Variants in GAS2 observed in about 807,000 individuals in gnomAD.
GAS2 encodes growth arrest-specific protein 2.
GAS2 carries 20 observed loss-of-function variants against 37.5 expected under a neutral mutation model. The observed-to-expected ratio is 0.53, with a 90% CI of 0.37 to 0.77. The LOEUF (loss-of-function observed/expected upper bound fraction) is 0.77. Ranked by LOEUF, GAS2 falls within the 30% of genes least tolerant of loss-of-function variation. GAS2 has a pLI of 0.00. For synonymous variants in GAS2, 144 were observed against 132.2 expected, an observed-to-expected ratio of 1.09 and a Z score of -0.61; for missense variants, 336 against 373.4, an observed-to-expected ratio of 0.90 and a Z score of 0.82.
At chr11:22,652,782 G>A (rs1404534473) in intron 1 of GAS2, among the ~76,000 whole-genome samples, 4 of 152,138 alleles carry the variant, frequency 2.6e-5, no homozygotes, top group East Asian at 1.9e-4. Flanking sequence ...GCTTCGGCTC[G>A]CACACGGTGC....
chr11:22,807,981 A>C (rs1033076314), intron 7 of GAS2, among the ~76,000 whole-genome samples: 4 of 150,574 alleles, frequency 2.7e-5, no homozygotes, highest in African/African-American at 9.7e-5. Flanking sequence ...AGACAGTTTT[A>C]ACTTTCTCAA....
At chr11:22,760,974 A>C (rs1854363615) in intron 7 of GAS2, among the ~76,000 whole-genome samples, 1 of 152,000 alleles carries the variant, frequency 6.6e-6, no homozygotes, top group Non-Finnish European at 1.5e-5. Context: ...GGTTTTTTGG[A>C]GTCATGGTAT....
chr11:22,663,022 TGGGGAGGCCTCAGGAAACTTACAATCATG>T (rs1252546315), upstream of GAS2, among the ~76,000 whole-genome samples: 11 of 152,240 alleles, frequency 7.2e-5, no homozygotes, highest in South Asian at 1.9e-3. Context: ...TCTGCATGGC[TGGGGAGGCCTCAGGAAACTTACAATCATG>T]GGGAAAGGCA....
At chr11:22,681,191 T>C (rs908855856) in intron 2 of GAS2, among the ~76,000 whole-genome samples, 1 of 152,178 alleles carries the variant, frequency 6.6e-6, no homozygotes, top group East Asian at 1.9e-4. Context: ...AAAACACTTA[T>C]AGGCTGATAT....
chr11:22,705,529 T>G (rs1018322423), intron 3 of GAS2, among the ~76,000 whole-genome samples: 8 of 152,304 alleles, frequency 5.3e-5, no homozygotes, highest in Non-Finnish European at 7.3e-5. Context: ...CCCCAAGAAC[T>G]TGCAGTCTAG....
At chr11:22,709,946 C>T (rs930289200) in intron 3 of GAS2, among the ~76,000 whole-genome samples, 4 of 141,440 alleles carry the variant, frequency 2.8e-5, no homozygotes, top group East Asian at 2.1e-4. Context: ...CTCACTCACA[C>T]GTGGGAATTG....
At chr11:22,673,011 T>C (rs1030062327) in intron 1 of GAS2, among the ~76,000 whole-genome samples, 3 of 152,136 alleles carry the variant, frequency 2.0e-5, no homozygotes, top group African/African-American at 7.2e-5. Context: ...TTTTCAATGG[T>C]TGACTTTAGA....
intron 5 of GAS2, among the ~76,000 whole-genome samples, chr11:22,743,480 A>G (rs1168063359): frequency 6.6e-6 from 1 of 152,114 alleles, no homozygotes; most frequent in Non-Finnish European, 1.5e-5. Flanking sequence ...ACTAAAACAT[A>G]GAAATTAGAA....
At chr11:22,741,493 A>T (rs975153281) in intron 5 of GAS2, among the ~76,000 whole-genome samples, 1 of 152,128 alleles carries the variant, frequency 6.6e-6, no homozygotes, top group African/African-American at 2.4e-5. Context: ...GTTTAGGGTC[A>T]TAATCAATAA....
intron 7 of GAS2, among the ~76,000 whole-genome samples, chr11:22,805,698 G>A (rs895973805): frequency 7.2e-5 from 11 of 152,102 alleles, no homozygotes; most frequent in Non-Finnish European, 1.2e-4. Context: ...GTGAAAGCAA[G>A]TATGTTAAGA....
intron 7 of GAS2, among the ~76,000 whole-genome samples, chr11:22,770,044 G>A (rs1282359941): frequency 2.0e-5 from 3 of 152,226 alleles, no homozygotes; most frequent in African/African-American, 7.2e-5. Flanking sequence ...AACTAACACA[G>A]GAACAGAAAA....
intron 3 of GAS2, among the ~76,000 whole-genome samples, chr11:22,697,683 G>C (rs1247736528): frequency 6.6e-6 from 1 of 152,100 alleles, no homozygotes; most frequent in Non-Finnish European, 1.5e-5. Flanking sequence ...TGGATTCCTA[G>C]GTATTTTATT....
At chr11:22,644,470 CT>C (rs1198706017) in intron 1 of GAS2, among the ~76,000 whole-genome samples, 5 of 152,122 alleles carry the variant, frequency 3.3e-5, no homozygotes, top group African/African-American at 9.7e-5. Flanking sequence ...GGGAACCACT[CT>C]AAGGGAATAG....
chr11:22,741,389 C>T (rs1307837292), intron 5 of GAS2, among the ~76,000 whole-genome samples: 1 of 151,808 alleles, frequency 6.6e-6, no homozygotes, highest in Non-Finnish European at 1.5e-5. Context: ...ATATTCATTG[C>T]TGAAAACAAA....
At chr11:22,661,606 C>A (rs909627824) in intron 1 of GAS2, among the ~76,000 whole-genome samples, 1 of 152,032 alleles carries the variant, frequency 6.6e-6, no homozygotes, top group African/African-American at 2.4e-5. Context: ...TTAAGCTTTC[C>A]CTAGAAGAGT....
At chr11:22,789,281 C>T in intron 7 of GAS2, among the ~76,000 whole-genome samples, 1 of 109,880 alleles carries the variant, frequency 9.1e-6, no homozygotes, top group African/African-American at 3.8e-5. Flanking sequence ...GCCTAGATTT[C>T]ATATATATAT....
intron 4 of GAS2, among the ~76,000 whole-genome samples, chr11:22,729,733 T>G (rs1354642863): frequency 1.1e-5 from 1 of 93,114 alleles, no homozygotes; most frequent in Non-Finnish European, 2.3e-5. Flanking sequence ...TATTACTAGA[T>G]GTGAATAAAA....
chr11:22,763,200 T>C (rs1237890237), intron 7 of GAS2, among the ~76,000 whole-genome samples: 2 of 152,234 alleles, frequency 1.3e-5, no homozygotes, highest in Admixed American at 1.3e-4. Flanking sequence ...CACATTGTTA[T>C]TGACTCTGTG....
At position 22,709,603 on chromosome 11, in the gene GAS2, C is replaced by T. The variant is rs1057327490; in HGVS notation, c.268-16689C>T. 4.6e-5 allele frequency among the ~76,000 whole-genome samples: 7 copies of T among 152,088 alleles called. 1 individual carries two copies. Among genetic ancestry groups the T allele is most frequent in the South Asian group, 4.1e-4 (2 of 4,826 alleles). On this transcript the variant is annotated intron_variant, in intron 3 of 7. Transcript: ENST00000454584. The stretch of plus-strand genomic sequence containing the variant: ...TCAACCATTGTGGAAGTCAGTGTGG[C>T]GATTCCTCAGGGATCTAGAACTAGA...
Sources: allele counts gnomAD v4.1 joint callset (sites outside exome capture counted in the v4.1 genomes callset), GRCh38; gene constraint gnomAD v4.1.1; transcripts MANE v1.5; gene names NCBI Gene and HGNC (gene_info 2026-07-23, HGNC 2026-07-21).